LRRN2: variants seen among roughly 807,000 people sequenced by gnomAD.
LRRN2 encodes leucine rich repeat neuronal 2, also known as leucine-rich repeat neuronal protein 2.
LRRN2 carries 10 observed loss-of-function variants against 35.7 expected under a neutral mutation model. The observed-to-expected ratio is 0.28, with a 90% CI of 0.17 to 0.47. The LOEUF (loss-of-function observed/expected upper bound fraction) is 0.47. Among genes scored for constraint, LRRN2 ranks in the 20% least tolerant of loss-of-function variants. The pLI is 0.99. For missense variants in LRRN2, 731 were observed against 940.3 expected (o/e 0.78, Z 2.91); for synonymous variants, 391 against 409.6 (o/e 0.95, Z 0.55).
At chr1:204,665,383 T>C (rs1256786897) in intron 1 of LRRN2, among the ~76,000 whole-genome samples, 1 of 152,060 alleles carries the variant, frequency 6.6e-6, no homozygotes, top group East Asian at 1.9e-4. Flanking sequence ...TAAGTGATCC[T>C]CCCACCTCCG....
chr1:204,681,872 T>C (rs1322142309), intron 1 of LRRN2, among the ~76,000 whole-genome samples: 1 of 152,246 alleles, frequency 6.6e-6, no homozygotes, highest in Non-Finnish European at 1.5e-5. Flanking sequence ...TTTTGTTTTG[T>C]TGTCTTTTTT....
At chr1:204,640,388 G>A (rs1045767859) in intron 1 of LRRN2, among the ~76,000 whole-genome samples, 1 of 152,186 alleles carries the variant, frequency 6.6e-6, no homozygotes, top group Non-Finnish European at 1.5e-5. Context: ...GAAACTTTGG[G>A]GAGACACAAA....
intron 1 of LRRN2, among the ~76,000 whole-genome samples, chr1:204,632,149 G>A (rs954370767): frequency 2.0e-5 from 3 of 151,910 alleles, no homozygotes; most frequent in Admixed American, 6.6e-5. Flanking sequence ...TGAGAGAATC[G>A]CTTGAGCCCA....
intron 1 of LRRN2, chr1:204,620,712 G>A (rs1666829879): frequency 6.0e-6 from 1 of 167,680 alleles, no homozygotes; most frequent in Non-Finnish European, 1.5e-5. Flanking sequence ...GGAGAGGAAG[G>A]TGTATGTGTG....
At chr1:204,683,831 C>T (rs1201072716) in intron 1 of LRRN2, among the ~76,000 whole-genome samples, 3 of 152,218 alleles carry the variant, frequency 2.0e-5, no homozygotes, top group Non-Finnish European at 4.4e-5. Context: ...CCTAGCTCTG[C>T]CCTTCTGTTT....
At chr1:204,631,536 T>A (rs1667704623) in intron 1 of LRRN2, among the ~76,000 whole-genome samples, 2 of 151,146 alleles carry the variant, frequency 1.3e-5, no homozygotes, top group South Asian at 4.2e-4. Context: ...ATAAAAGTTG[T>A]CACAGAGCAA....
rs1307140803 is a variant in LRRN2, at chr1:204,620,021, A to G, written c.-29T>C. On this transcript the variant is annotated 5_prime_UTR_variant, in exon 2 of 2. Coordinates refer to ENST00000367177, the MANE Select transcript of LRRN2 (RefSeq NM_201630.2). ...GGAGCTGCAGGGCAGGGGACCATTC[A>G]CAAGAAGAGTCTGGAGTCCTGCTCT... is the stretch of plus-strand genomic sequence containing the variant. 6.3e-7 allele frequency: 1 copy of G among 1,585,800 alleles called. No individual in the cohort carries two copies. Among genetic ancestry groups the G allele is most frequent in the Non-Finnish European group, 8.6e-7 (1 of 1,167,216 alleles).
chr1:204,636,865 C>A (rs1266550785), intron 1 of LRRN2, among the ~76,000 whole-genome samples: 13 of 152,202 alleles, frequency 8.5e-5, no homozygotes, highest in Non-Finnish European at 1.5e-4. Context: ...AAAAAAACTT[C>A]CCAGGATTTC....
intron 1 of LRRN2, among the ~76,000 whole-genome samples, chr1:204,638,231 G>A (rs1197838323): frequency 1.3e-5 from 2 of 151,998 alleles, no homozygotes; most frequent in South Asian, 2.1e-4. Context: ...TGGTGATCTG[G>A]GGCCAGGCCT....
intron 1 of LRRN2, among the ~76,000 whole-genome samples, 196 bp downstream of exon 1, chr1:204,685,124 A>G (rs1009233605): frequency 1.3e-5 from 2 of 152,190 alleles, no homozygotes; most frequent in Non-Finnish European, 2.9e-5. Flanking sequence ...TCTCGGCGGA[A>G]GGCAGCGGCC....
chr1:204,658,625 C>A (rs1052751467), intron 1 of LRRN2, among the ~76,000 whole-genome samples: 1 of 152,114 alleles, frequency 6.6e-6, no homozygotes, highest in Non-Finnish European at 1.5e-5. Context: ...CTGTTTCTGG[C>A]CCTACTCCAT....
chr1:204,666,430 C>T (rs550521258), intron 1 of LRRN2, among the ~76,000 whole-genome samples: 21 of 152,318 alleles, frequency 1.4e-4, no homozygotes, highest in South Asian at 4.1e-4. Context: ...GTACAATAAA[C>T]GTTTGTTAGG....
At chr1:204,644,619 T>C (rs2102604163) in intron 1 of LRRN2, among the ~76,000 whole-genome samples, 1 of 152,294 alleles carries the variant, frequency 6.6e-6, no homozygotes, top group African/African-American at 2.4e-5. Flanking sequence ...ACACCTTCCT[T>C]CTCTCCTCTT....
At chr1:204,629,573 C>G (rs1258418112) in intron 1 of LRRN2, 1 of 163,436 alleles carries the variant, frequency 6.1e-6, no homozygotes, top group East Asian at 1.8e-4. Flanking sequence ...ATGGTTTTAT[C>G]AGGGATTTCT....
At position 204,620,065 on chromosome 1, in the gene LRRN2, G is replaced by C. The variant is rs1328208083; in HGVS notation, c.-73C>G. 1 of 1,524,518 alleles carries C rather than the reference G, an allele frequency of 6.6e-7. No individual in the cohort carries two copies. Among genetic ancestry groups the C allele is most frequent in the African/African-American group, 1.4e-5 (1 of 73,200 alleles). 94.4% of individuals were successfully genotyped at this position (1,524,518 alleles called of 1,614,324 possible). A position where few individuals can be genotyped will look rare whatever the true frequency, so the allele number is the denominator to read the frequency against. On this transcript the variant is annotated 5_prime_UTR_variant, in exon 2 of 2. Transcript: ENST00000367177. ...CTGCTCTTTGTGTTTTGCAGGGTAA[G>C]GGTCAGCAACCCTGCCAGGGCCCAA...
At chr1:204,658,670 C>G (rs1211934182) in intron 1 of LRRN2, among the ~76,000 whole-genome samples, 1 of 152,194 alleles carries the variant, frequency 6.6e-6, no homozygotes, top group East Asian at 1.9e-4. Flanking sequence ...TTCTCAGCCT[C>G]TCTGTGGTTT....
chr1:204,657,005 A>T (rs1013948447), intron 1 of LRRN2, among the ~76,000 whole-genome samples: 1 of 152,144 alleles, frequency 6.6e-6, no homozygotes, highest in Non-Finnish European at 1.5e-5. Flanking sequence ...ATAGATGGAT[A>T]AAAAAATATG....
At chr1:204,651,928 T>C (rs61170670) in intron 1 of LRRN2, among the ~76,000 whole-genome samples, 65,012 of 152,114 alleles carry the variant, frequency 0.43, 16,035 homozygotes, top group Admixed American at 0.52. Flanking sequence ...CTTTCTCCCC[T>C]GGCCCAACTC....
Position 204,620,025 on chromosome 1 carries a change from G to C in LRRN2, c.-33C>G, listed in dbSNP as rs1285626271. ...CTGCAGGGCAGGGGACCATTCACAA[G>C]AAGAGTCTGGAGTCCTGCTCTTTGT... is the stretch of plus-strand genomic sequence containing the variant. On this transcript the variant is annotated 5_prime_UTR_variant, in exon 2 of 2. Coordinates refer to ENST00000367177, the MANE Select transcript of LRRN2 (RefSeq NM_201630.2). 20 of 1,579,302 alleles carry C rather than the reference G, an allele frequency of 1.3e-5. No individual in the cohort carries two copies. The highest frequency in any genetic ancestry group is 1.7e-5 in the Non-Finnish European group (20 of 1,163,786).
Sources: allele counts gnomAD v4.1 joint callset (sites outside exome capture counted in the v4.1 genomes callset), GRCh38; gene constraint gnomAD v4.1.1; transcripts MANE v1.5; gene names NCBI Gene and HGNC (gene_info 2026-07-23, HGNC 2026-07-21).